Variants in ARHGAP12 observed in about 807,000 individuals in gnomAD.
The protein encoded by ARHGAP12 is rho GTPase-activating protein 12.
In ARHGAP12, 64 loss-of-function variants were observed where a neutral mutation model predicts 108.6. The ratio of observed to expected loss-of-function variants is 0.59; its 90% confidence interval spans 0.48 to 0.73. ARHGAP12 has a LOEUF of 0.73. Among genes scored for constraint, ARHGAP12 ranks in the 30% least tolerant of loss-of-function variants. The probability of loss-of-function intolerance (pLI) is 0.00; values close to 1 mark genes in which losing one functional copy is unlikely to be tolerated. For synonymous variants in ARHGAP12, 312 were observed against 337.2 expected (o/e 0.93, Z 0.82); for missense variants, 940 against 1,005.9 (o/e 0.93, Z 0.89).
intron 13 of ARHGAP12, among the ~76,000 whole-genome samples, chr10:31,815,471 G>A (rs943294937): frequency 1.3e-5 from 2 of 152,114 alleles, no homozygotes; most frequent in Non-Finnish European, 2.9e-5. Context: ...CTTTATTAAT[G>A]AATATGACTT....
intron 1 of ARHGAP12, among the ~76,000 whole-genome samples, chr10:31,921,999 G>C (rs574475905): frequency 2.0e-5 from 3 of 151,254 alleles, no homozygotes; most frequent in Non-Finnish European, 4.4e-5. Context: ...ATGCCACCCT[G>C]GGCAACGTGG....
At chr10:31,924,702 TCATAA>T (rs61060923) in intron 1 of ARHGAP12, among the ~76,000 whole-genome samples, 13,380 of 152,120 alleles carry the variant, frequency 0.088, 1,063 homozygotes, top group East Asian at 0.45. Context: ...CACTCTAACC[TCATAA>T]CATATTCTGA....
chr10:31,842,533 C>T (rs897265925), intron 7 of ARHGAP12, among the ~76,000 whole-genome samples: 3 of 152,020 alleles, frequency 2.0e-5, no homozygotes, highest in Non-Finnish European at 4.4e-5. Flanking sequence ...CTGTTTCTAA[C>T]ACTACACCTT....
chr10:31,887,844 C>T (rs145891877), intron 3 of ARHGAP12, among the ~76,000 whole-genome samples: 3,642 of 151,576 alleles, frequency 0.024, 159 homozygotes, highest in African/African-American at 0.082. Context: ...TTTTTAGTAG[C>T]GACGGGGTTT....
chr10:31,853,516 G>A (rs1836775099), intron 5 of ARHGAP12, among the ~76,000 whole-genome samples: 1 of 152,028 alleles, frequency 6.6e-6, no homozygotes, highest in African/African-American at 2.4e-5. Flanking sequence ...CAGGAAAGAG[G>A]GATAAAAGCC....
intron 6 of ARHGAP12, among the ~76,000 whole-genome samples, chr10:31,848,125 G>T (rs1430060136): frequency 6.6e-6 from 1 of 152,102 alleles, no homozygotes; most frequent in African/African-American, 2.4e-5. Flanking sequence ...TACTCTCCTT[G>T]TGTCATATTT....
chr10:31,815,316 T>C (rs1465246035), intron 13 of ARHGAP12, among the ~76,000 whole-genome samples: 1 of 152,248 alleles, frequency 6.6e-6, no homozygotes, highest in South Asian at 2.1e-4. Context: ...TCCAGTTTTT[T>C]CTTGGATTCC....
chr10:31,862,652 T>A (rs1837159021), intron 3 of ARHGAP12, among the ~76,000 whole-genome samples: 1 of 151,892 alleles, frequency 6.6e-6, no homozygotes, highest in African/African-American at 2.4e-5. Context: ...GTGGGATGTT[T>A]ATCAGCTTCC....
intron 3 of ARHGAP12, among the ~76,000 whole-genome samples, chr10:31,891,288 TA>T (rs764457113): frequency 5.9e-5 from 9 of 152,224 alleles, no homozygotes; most frequent in African/African-American, 9.6e-5. Flanking sequence ...AAAAAGCTAG[TA>T]TATCTCTCAG....
chr10:31,916,439 CTTTCT>C (rs1839560440), intron 1 of ARHGAP12, among the ~76,000 whole-genome samples: 1 of 152,068 alleles, frequency 6.6e-6, no homozygotes, highest in Non-Finnish European at 1.5e-5. Flanking sequence ...AAGCCTCCTC[CTTTCT>C]ATCTGCCAAT....
intron 3 of ARHGAP12, among the ~76,000 whole-genome samples, chr10:31,895,235 C>A (rs1302721890): frequency 6.6e-6 from 1 of 152,126 alleles, no homozygotes; most frequent in Middle Eastern, 3.2e-3. Context: ...CAACAGAAGC[C>A]AAAATTGACA....
chr10:31,866,198 A>G (rs1159232426), intron 3 of ARHGAP12, among the ~76,000 whole-genome samples: 1 of 152,174 alleles, frequency 6.6e-6, no homozygotes, highest in Non-Finnish European at 1.5e-5. Context: ...AAGAAGGAAA[A>G]TTTCAAAAGA....
chr10:31,856,657 G>C (rs1836897847), intron 4 of ARHGAP12, among the ~76,000 whole-genome samples: 1 of 152,168 alleles, frequency 6.6e-6, no homozygotes, highest in South Asian at 2.1e-4. Flanking sequence ...GCATCCGTCA[G>C]AAGAGACTCA....
chr10:31,841,671 G>A (rs1414515005), intron 7 of ARHGAP12, among the ~76,000 whole-genome samples: 1 of 152,168 alleles, frequency 6.6e-6, no homozygotes, highest in Non-Finnish European at 1.5e-5. Flanking sequence ...AAGCCATGAT[G>A]TACAGTGGGT....
chr10:31,839,094 A>C (rs1171565875), intron 9 of ARHGAP12, among the ~76,000 whole-genome samples: 1 of 152,182 alleles, frequency 6.6e-6, no homozygotes, highest in Non-Finnish European at 1.5e-5. Flanking sequence ...AAAGACTGGG[A>C]ATGAGTATAA....
Position 31,905,609 on chromosome 10 carries a change from AGAGCTTTACTAAGATGAGAAAAACAT to A in ARHGAP12, c.684+2537_684+2562del, listed in dbSNP as rs371312081. Among the ~76,000 whole-genome samples, 294 of 152,336 alleles carry A rather than the reference AGAGCTTTACTAAGATGAGAAAAACAT, an allele frequency of 1.9e-3. 1 individual carries two copies. The highest frequency in any genetic ancestry group is 6.5e-3 in the African/African-American group (272 of 41,564). On this transcript the variant is annotated intron_variant, in intron 3 of 19. Transcript: ENST00000344936. Reference sequence around the variant, plus strand: ...TCAGACGGGAAGGAGGAGCTGAAGAAGAGCTTTACTAAGATGAGAAAAACATGAGCAAATGTAAATGCTGAAAACAC... The same window carrying A: ...TCAGACGGGAAGGAGGAGCTGAAGAAGAGCAAATGTAAATGCTGAAAACAC...
At chr10:31,865,604 G>A (rs1049579595) in intron 3 of ARHGAP12, among the ~76,000 whole-genome samples, 16 of 151,932 alleles carry the variant, frequency 1.1e-4, no homozygotes, top group Admixed American at 1.0e-3. Context: ...GGCCAGGCGC[G>A]GCGACTCACG....
chr10:31,808,877 G>T, intron 18 of ARHGAP12, 117 bp downstream of exon 18: 1 of 1,376,328 alleles, frequency 7.3e-7, no homozygotes, highest in South Asian at 1.3e-5. Context: ...AAAATGTTTG[G>T]AGTAAAACAA....
chr10:31,891,553 T>A (rs1477003153), intron 3 of ARHGAP12, among the ~76,000 whole-genome samples: 2 of 152,170 alleles, frequency 1.3e-5, no homozygotes, highest in Non-Finnish European at 2.9e-5. Context: ...CTGATAATTA[T>A]GTATCTTGGA....
Sources: allele counts gnomAD v4.1 joint callset (sites outside exome capture counted in the v4.1 genomes callset), GRCh38; gene constraint gnomAD v4.1.1; transcripts MANE v1.5; gene names NCBI Gene and HGNC (gene_info 2026-07-23, HGNC 2026-07-21).